Variants in MGAT4C observed in about 807,000 individuals in gnomAD.
The protein encoded by MGAT4C is MGAT4 family member C, also known as alpha-1,3-mannosyl-glycoprotein 4-beta-N-acetylglucosaminyltransferase C.
In MGAT4C, 19 loss-of-function variants were observed where a neutral mutation model predicts 40.1. The ratio of observed to expected loss-of-function variants is 0.47; its 90% confidence interval spans 0.33 to 0.70. The LOEUF (loss-of-function observed/expected upper bound fraction) is 0.70. Among genes scored for constraint, MGAT4C ranks in the 30% least tolerant of loss-of-function variants. MGAT4C has a pLI of 0.02. For synonymous variants in MGAT4C, 181 were observed against 187.1 expected, an observed-to-expected ratio of 0.97 and a Z score of 0.27; for missense variants, 491 against 563.2, an observed-to-expected ratio of 0.87 and a Z score of 1.30.
At chr12:86,200,200 G>T (rs1949999524) in intron 1 of MGAT4C, among the ~76,000 whole-genome samples, 1 of 140,016 alleles carries the variant, frequency 7.1e-6, no homozygotes, top group Non-Finnish European at 1.5e-5. Context: ...TTGAGATAGA[G>T]TCTTGATCAT....
intron 3 of MGAT4C, among the ~76,000 whole-genome samples, chr12:86,401,207 G>T (rs1238177407): frequency 6.7e-6 from 1 of 150,290 alleles, no homozygotes; most frequent in Non-Finnish European, 1.5e-5. Context: ...ACTTTCAAAG[G>T]TCCCATATTT....
intron 2 of MGAT4C, among the ~76,000 whole-genome samples, chr12:86,657,166 T>C (rs1159717521): frequency 6.6e-6 from 1 of 151,972 alleles, no homozygotes; most frequent in Non-Finnish European, 1.5e-5. Context: ...AAGCAAATAT[T>C]AAATAAAAGC....
intron 1 of MGAT4C, among the ~76,000 whole-genome samples, chr12:86,237,701 C>T (rs1273599887): frequency 1.3e-5 from 2 of 151,712 alleles, no homozygotes; most frequent in African/African-American, 2.4e-5. Flanking sequence ...AGCTCACAGT[C>T]TACTTGCAAT....
chr12:86,542,194 A>T (rs912914983), intron 2 of MGAT4C, among the ~76,000 whole-genome samples: 1 of 152,186 alleles, frequency 6.6e-6, no homozygotes, highest in Non-Finnish European at 1.5e-5. Flanking sequence ...TATTTTAACA[A>T]GCCCTTTGTG....
intron 2 of MGAT4C, among the ~76,000 whole-genome samples, chr12:86,508,953 A>T (rs1958521671): frequency 6.6e-6 from 1 of 151,008 alleles, no homozygotes; most frequent in African/African-American, 2.4e-5. Context: ...TAGATTCTGG[A>T]TATTAGCCCT....
At chr12:86,560,190 T>C (rs1959797059) in intron 2 of MGAT4C, among the ~76,000 whole-genome samples, 1 of 152,090 alleles carries the variant, frequency 6.6e-6, no homozygotes, top group African/African-American at 2.4e-5. Context: ...AATAGCTTGA[T>C]AAATTGTACC....
At chr12:86,398,481 T>C (rs1371951936) in intron 3 of MGAT4C, among the ~76,000 whole-genome samples, 3 of 152,138 alleles carry the variant, frequency 2.0e-5, no homozygotes, top group Non-Finnish European at 4.4e-5. Flanking sequence ...TATACTATCA[T>C]AGTATATTAA....
At chr12:86,086,363 A>G (rs1444116598) in intron 1 of MGAT4C, among the ~76,000 whole-genome samples, 1 of 152,024 alleles carries the variant, frequency 6.6e-6, no homozygotes, top group Non-Finnish European at 1.5e-5. Context: ...CAGGGAGAGG[A>G]ACATCACACA....
At chr12:86,370,770 A>C (rs1230155468) in intron 3 of MGAT4C, among the ~76,000 whole-genome samples, 1 of 152,022 alleles carries the variant, frequency 6.6e-6, no homozygotes, top group South Asian at 2.1e-4. Context: ...ATATGTATGC[A>C]TAATTTCCCG....
intron 3 of MGAT4C, among the ~76,000 whole-genome samples, chr12:86,370,843 T>C (rs1955700463): frequency 6.6e-6 from 1 of 152,044 alleles, no homozygotes; most frequent in Admixed American, 6.6e-5. Flanking sequence ...AGCTAAGCAC[T>C]AGAAATACAC....
chr12:86,235,734 C>A (rs1250501934), intron 1 of MGAT4C, among the ~76,000 whole-genome samples: 1 of 152,038 alleles, frequency 6.6e-6, no homozygotes, highest in Non-Finnish European at 1.5e-5. Context: ...GTTTAAGCAC[C>A]TTTCCTGTGA....
At chr12:85,999,172 C>G (rs1475686275) in intron 2 of MGAT4C, among the ~76,000 whole-genome samples, 1 of 152,124 alleles carries the variant, frequency 6.6e-6, no homozygotes, top group African/African-American at 2.4e-5. Flanking sequence ...ATCATGAGAA[C>G]AGCATGAGAA....
At chr12:86,316,891 T>C (rs1954250359) in intron 4 of MGAT4C, among the ~76,000 whole-genome samples, 1 of 151,990 alleles carries the variant, frequency 6.6e-6, no homozygotes, top group Non-Finnish European at 1.5e-5. Context: ...TATAAAAAAG[T>C]GATAAGCCCT....
At chr12:86,522,695 T>G (rs1158212323) in intron 2 of MGAT4C, among the ~76,000 whole-genome samples, 1 of 152,142 alleles carries the variant, frequency 6.6e-6, no homozygotes, top group Non-Finnish European at 1.5e-5. Flanking sequence ...TTTGTACATC[T>G]GGTAAAATTC....
chr12:86,510,036 G>A (rs1318214810), intron 2 of MGAT4C, among the ~76,000 whole-genome samples: 2 of 151,892 alleles, frequency 1.3e-5, no homozygotes, highest in Non-Finnish European at 2.9e-5. Flanking sequence ...CTCTTTTCCT[G>A]ATTGAATACC....
intron 3 of MGAT4C, among the ~76,000 whole-genome samples, chr12:86,416,692 T>G (rs1023111484): frequency 2.6e-5 from 4 of 152,044 alleles, no homozygotes; most frequent in African/African-American, 4.8e-5. Context: ...CATAAGGAAG[T>G]GTAGCCAGGA....
intron 2 of MGAT4C, among the ~76,000 whole-genome samples, chr12:86,676,585 A>T (rs1227569069): frequency 6.6e-6 from 1 of 152,192 alleles, no homozygotes; most frequent in Non-Finnish European, 1.5e-5. Context: ...CAGTCAGTTT[A>T]GAAGTCACTG....
At chr12:86,245,758 A>G (rs1279953290) in intron 1 of MGAT4C, among the ~76,000 whole-genome samples, 1 of 152,214 alleles carries the variant, frequency 6.6e-6, no homozygotes, top group East Asian at 1.9e-4. Context: ...GGAAAGAGGT[A>G]GAATATAATT....
At chr12:86,726,251 C>G (rs572999984) in intron 2 of MGAT4C, among the ~76,000 whole-genome samples, 89 of 152,324 alleles carry the variant, frequency 5.8e-4, no homozygotes, top group Middle Eastern at 3.4e-3. Context: ...CAGGAAGTCA[C>G]ATGAATACAC....
Sources: allele counts gnomAD v4.1 joint callset (sites outside exome capture counted in the v4.1 genomes callset), GRCh38; gene constraint gnomAD v4.1.1; transcripts MANE v1.5; gene names NCBI Gene and HGNC (gene_info 2026-07-23, HGNC 2026-07-21).